ZNF407: variants seen among roughly 807,000 people sequenced by gnomAD.
The protein encoded by ZNF407 is zinc finger protein 407.
ZNF407 carries 17 observed loss-of-function variants against 131.2 expected under a neutral mutation model. The observed-to-expected ratio is 0.13, with a 90% CI of 0.09 to 0.19. The LOEUF (loss-of-function observed/expected upper bound fraction) is 0.19, where lower values mean the gene tolerates loss of function less well. ZNF407 is among the 10% of genes least tolerant of loss of function. The pLI, the probability that ZNF407 is intolerant of heterozygous loss-of-function variation, is 1.00. For missense variants in ZNF407, 2,681 were observed against 2,830.6 expected (o/e 0.95, Z 1.20); for synonymous variants, 1,156 against 1,062.0 (o/e 1.09, Z -1.72).
chr18:74,864,338 G>A (rs759807836), intron 4 of ZNF407, among the ~76,000 whole-genome samples: 6 of 152,116 alleles, frequency 3.9e-5, no homozygotes, highest in African/African-American at 1.2e-4. Flanking sequence ...ATCATACTTC[G>A]AAGATAATTT....
In ZNF407 at chr18:74,692,206, A is replaced by G. The variant is rs1444612984; in HGVS notation, c.4802+51084A>G. 2.0e-5 allele frequency among the ~76,000 whole-genome samples: 3 copies of G among 152,156 alleles called. No homozygotes were observed. In the South Asian group the frequency reaches 6.2e-4, roughly 32 times the overall value. On this transcript the variant is annotated intron_variant, in intron 3 of 8. Transcript: ENST00000299687. The stretch of plus-strand genomic sequence containing the variant: ...CCGTATCTCTTCTTCAGTCAAGGCC[A>G]TTAGCATGGGGCCTCCATTCAGTCT...
chr18:74,884,902 C>T (rs1009329776), intron 6 of ZNF407, among the ~76,000 whole-genome samples: 3 of 152,078 alleles, frequency 2.0e-5, no homozygotes, highest in African/African-American at 7.2e-5. Context: ...CCTTTTACCC[C>T]ACTTCAAATA....
At chr18:74,618,350 A>T (rs1983398902) in intron 1 of ZNF407, among the ~76,000 whole-genome samples, 1 of 152,092 alleles carries the variant, frequency 6.6e-6, no homozygotes, top group Non-Finnish European at 1.5e-5. Flanking sequence ...CTCCTTGTTA[A>T]CTGGCCATCC....
intron 3 of ZNF407, among the ~76,000 whole-genome samples, chr18:74,648,472 TTGTC>T (rs1428733449): frequency 6.6e-6 from 1 of 152,152 alleles, no homozygotes; most frequent in African/African-American, 2.4e-5. Flanking sequence ...GTTTTTTCGC[TTGTC>T]TTTCTTCCCA....
rs567128897 is a variant in ZNF407 at position 74,874,452 on chromosome 18, C to T, written c.4878-2745C>T. Among the ~76,000 whole-genome samples, 3 of 152,308 alleles carry T rather than the reference C, an allele frequency of 2.0e-5. No individual in the cohort carries two copies. In the South Asian group the frequency reaches 6.2e-4, roughly 32 times the overall value. On this transcript the variant is annotated intron_variant, in intron 4 of 8. Transcript: ENST00000299687. Reference sequence around the variant, plus strand: ...ATTGAATCTAGCCTAGGGTAAGCCACAGGGCTTGGCCCTATCCCTGGTGGC... The same window carrying T: ...ATTGAATCTAGCCTAGGGTAAGCCATAGGGCTTGGCCCTATCCCTGGTGGC...
chr18:74,988,510 T>A (rs1161753584), intron 8 of ZNF407, among the ~76,000 whole-genome samples: 5 of 150,996 alleles, frequency 3.3e-5, no homozygotes, highest in African/African-American at 1.2e-4. Context: ...TTTTATATAT[T>A]TTTATATATA....
chr18:74,756,962 T>C, intron 3 of ZNF407, among the ~76,000 whole-genome samples: 1 of 152,080 alleles, frequency 6.6e-6, no homozygotes, highest in East Asian at 1.9e-4. Flanking sequence ...TCATTCCTAG[T>C]TAATAATTTG....
chr18:75,009,932 A>G (rs1310404547), intron 8 of ZNF407, among the ~76,000 whole-genome samples: 1 of 152,222 alleles, frequency 6.6e-6, no homozygotes, highest in Non-Finnish European at 1.5e-5. Context: ...TTGTTTTAAC[A>G]TAGAATTGCA....
chr18:74,880,220 A>C (rs1311317695), intron 5 of ZNF407, among the ~76,000 whole-genome samples: 6 of 152,320 alleles, frequency 3.9e-5, no homozygotes, highest in African/African-American at 1.4e-4. Flanking sequence ...TGCAGTGGGA[A>C]GATAGATTGC....
intron 4 of ZNF407, among the ~76,000 whole-genome samples, chr18:74,866,861 T>C (rs537122709): frequency 2.7e-5 from 4 of 149,116 alleles, no homozygotes; most frequent in African/African-American, 7.3e-5. Flanking sequence ...CATTGATATT[T>C]AGTGTAAAAG....
chr18:74,864,295 G>T (rs1970979953), intron 4 of ZNF407, among the ~76,000 whole-genome samples: 2 of 152,178 alleles, frequency 1.3e-5, no homozygotes, highest in Non-Finnish European at 2.9e-5. Context: ...TATAAGGTTA[G>T]TGGAAATTAG....
At chr18:74,986,628 G>A (rs776964202) in intron 8 of ZNF407, among the ~76,000 whole-genome samples, 12 of 152,070 alleles carry the variant, frequency 7.9e-5, no homozygotes, top group Admixed American at 2.0e-4. Flanking sequence ...GTGTGGTTTC[G>A]AAAACATCTC....
intron 3 of ZNF407, among the ~76,000 whole-genome samples, chr18:74,744,487 A>G (rs1413680311): frequency 6.6e-6 from 1 of 152,192 alleles, no homozygotes; most frequent in Non-Finnish European, 1.5e-5. Flanking sequence ...AGAGATATCA[A>G]TAGTTTTATA....
At chr18:74,987,907 A>G (rs900214397) in intron 8 of ZNF407, among the ~76,000 whole-genome samples, 1 of 152,222 alleles carries the variant, frequency 6.6e-6, no homozygotes, top group Non-Finnish European at 1.5e-5. Context: ...ACACAATCCC[A>G]GCCAAATCCT....
intron 2 of ZNF407, among the ~76,000 whole-genome samples, chr18:74,637,195 G>T (rs1984502910): frequency 6.6e-6 from 1 of 152,190 alleles, no homozygotes; most frequent in Admixed American, 6.5e-5. Flanking sequence ...AATAATCAAT[G>T]TAGGCATTTC....
At chr18:74,835,904 C>T (rs1314836502) in intron 4 of ZNF407, among the ~76,000 whole-genome samples, 2 of 151,170 alleles carry the variant, frequency 1.3e-5, no homozygotes, top group Admixed American at 6.6e-5. Flanking sequence ...TTGGTGCAAG[C>T]AAGGACCAGT....
At chr18:75,025,219 C>T (rs982330454) in intron 8 of ZNF407, among the ~76,000 whole-genome samples, 5 of 152,132 alleles carry the variant, frequency 3.3e-5, no homozygotes, top group African/African-American at 1.2e-4. Flanking sequence ...GCAGAAATAG[C>T]ACGTTTCTAG....
intron 3 of ZNF407, among the ~76,000 whole-genome samples, chr18:74,682,033 A>G (rs2144779333): frequency 6.6e-6 from 1 of 152,328 alleles, no homozygotes; most frequent in South Asian, 2.1e-4. Flanking sequence ...ACCAAGAGGA[A>G]ATTCATCTAA....
chr18:74,779,825 T>G (rs1245363427), intron 3 of ZNF407, among the ~76,000 whole-genome samples: 1 of 152,184 alleles, frequency 6.6e-6, no homozygotes, highest in Non-Finnish European at 1.5e-5. Flanking sequence ...CTTGGTCGTG[T>G]AAATAAGCTG....
Sources: gnomAD v4.1 joint callset for allele counts (sites outside exome capture counted in the v4.1 genomes callset) on GRCh38, gnomAD v4.1.1 for gene constraint, MANE v1.5 for transcripts, NCBI Gene and HGNC (gene_info 2026-07-23, HGNC 2026-07-21) for gene names.